The following CSMD1 variants were observed in gnomAD, a reference collection of about 807,000 sequenced individuals.
CSMD1 encodes the protein CUB and sushi domain-containing protein 1.
Under a neutral mutation model 417.5 loss-of-function variants are expected in CSMD1, and 213 were observed. The ratio of observed to expected loss-of-function variants is 0.51; its 90% CI spans 0.46 to 0.57. The LOEUF is 0.57. Ranked by LOEUF, CSMD1 falls within the 20% of genes least tolerant of loss-of-function variation. The probability of loss-of-function intolerance (pLI) is 0.00; values close to 1 mark genes in which losing one functional copy is unlikely to be tolerated. For missense variants in CSMD1, 6,923 were observed against 4,529.7 expected, an observed-to-expected ratio of 1.53 and a Z score of -15.17; for synonymous variants, 2,862 against 1,736.8, an observed-to-expected ratio of 1.65 and a Z score of -16.11.
chr8:4,264,690 G>A (rs551025828), intron 3 of CSMD1, among the ~76,000 whole-genome samples: 3 of 152,256 alleles, frequency 2.0e-5, no homozygotes, highest in East Asian at 3.9e-4. Flanking sequence ...AGAATAAGGG[G>A]AACAGGGCCT....
At chr8:4,545,634 G>A (rs935403874) in intron 2 of CSMD1, among the ~76,000 whole-genome samples, 1 of 152,204 alleles carries the variant, frequency 6.6e-6, no homozygotes, top group Non-Finnish European at 1.5e-5. Flanking sequence ...CTGGTTCGTG[G>A]CTAGGAGTAA....
At chr8:3,767,898 A>T (rs1158505354) in intron 5 of CSMD1, among the ~76,000 whole-genome samples, 1 of 152,160 alleles carries the variant, frequency 6.6e-6, no homozygotes, top group African/African-American at 2.4e-5. Context: ...AAAAAGTTAA[A>T]AAGTTTCCCA....
At chr8:4,211,271 A>C (rs1172454115) in intron 3 of CSMD1, among the ~76,000 whole-genome samples, 1 of 152,120 alleles carries the variant, frequency 6.6e-6, no homozygotes, top group Non-Finnish European at 1.5e-5. Context: ...AAGAAATCCA[A>C]AGATTGATCC....
intron 12 of CSMD1, among the ~76,000 whole-genome samples, chr8:3,416,325 AAG>A (rs1554545059): frequency 2.0e-5 from 3 of 147,098 alleles, no homozygotes; most frequent in Non-Finnish European, 4.5e-5. Context: ...AAAAAAAAAA[AAG>A]TGTTCTTTAG....
At chr8:3,036,916 T>C (rs967001499) in intron 50 of CSMD1, among the ~76,000 whole-genome samples, 1 of 152,162 alleles carries the variant, frequency 6.6e-6, no homozygotes, top group Non-Finnish European at 1.5e-5. Context: ...AGTGCACCTG[T>C]CATCCAAGCA....
At chr8:4,464,778 G>C (rs1483425233) in intron 2 of CSMD1, among the ~76,000 whole-genome samples, 3 of 152,250 alleles carry the variant, frequency 2.0e-5, no homozygotes, top group Non-Finnish European at 4.4e-5. Flanking sequence ...AGTGGGGTGG[G>C]GCTGGGCTGA....
intron 6 of CSMD1, among the ~76,000 whole-genome samples, chr8:3,717,418 A>T (rs1801902657): frequency 7.5e-6 from 1 of 133,212 alleles, no homozygotes; most frequent in Admixed American, 7.4e-5. Flanking sequence ...TTTCTTTTCC[A>T]TGAAATGCTT....
intron 3 of CSMD1, among the ~76,000 whole-genome samples, chr8:4,236,026 G>GTTTTTTTTTTTTTT: frequency 9.2e-6 from 1 of 108,130 alleles, no homozygotes; most frequent in African/African-American, 4.2e-5. Flanking sequence ...AATGGATATT[G>GTTTTTTTTTTTTTT]TTTTTTTTGT....
At chr8:4,731,125 A>C (rs1390517296) in intron 1 of CSMD1, among the ~76,000 whole-genome samples, 1 of 152,276 alleles carries the variant, frequency 6.6e-6, no homozygotes, top group Non-Finnish European at 1.5e-5. Flanking sequence ...CATATGAGAA[A>C]CCATGAGATG....
chr8:4,140,401 A>G (rs35686725), intron 3 of CSMD1, among the ~76,000 whole-genome samples: 45,178 of 150,548 alleles, frequency 0.3, 8,414 homozygotes, highest in Non-Finnish European at 0.39. Flanking sequence ...CGGAGCCTGA[A>G]GCAGGAGAAT....
At chr8:4,857,416 C>G (rs189653795) in intron 1 of CSMD1, among the ~76,000 whole-genome samples, 2 of 152,062 alleles carry the variant, frequency 1.3e-5, no homozygotes, top group African/African-American at 4.8e-5. Flanking sequence ...TAACTAAAAT[C>G]AGAACAGAAC....
intron 1 of CSMD1, among the ~76,000 whole-genome samples, chr8:4,878,480 A>G (rs1023464855): frequency 1.3e-5 from 2 of 151,928 alleles, no homozygotes; most frequent in African/African-American, 4.8e-5. Context: ...GTAAGACAGC[A>G]TAGAATCATG....
intron 5 of CSMD1, among the ~76,000 whole-genome samples, chr8:3,825,259 G>C (rs1206313188): frequency 1.3e-5 from 2 of 152,148 alleles, no homozygotes; most frequent in African/African-American, 4.8e-5. Flanking sequence ...GCCGGGTGTG[G>C]TGGCTCACGC....
At chr8:4,662,865 C>T (rs1585412232) in intron 1 of CSMD1, among the ~76,000 whole-genome samples, 2 of 152,032 alleles carry the variant, frequency 1.3e-5, no homozygotes, top group African/African-American at 4.8e-5. Flanking sequence ...TGTGGAAACG[C>T]GGGTGACAGT....
At chr8:3,031,536 C>G (rs984025740) in intron 50 of CSMD1, among the ~76,000 whole-genome samples, 2 of 152,048 alleles carry the variant, frequency 1.3e-5, no homozygotes, top group Non-Finnish European at 2.9e-5. Flanking sequence ...AAGAATGACT[C>G]AACTTTGTTC....
chr8:3,786,373 A>T (rs1799458233), intron 5 of CSMD1, among the ~76,000 whole-genome samples: 1 of 152,142 alleles, frequency 6.6e-6, no homozygotes, highest in South Asian at 2.1e-4. Flanking sequence ...TCATTTAGGG[A>T]GATACTAGAG....
intron 2 of CSMD1, among the ~76,000 whole-genome samples, chr8:4,452,719 A>C (rs963155428): frequency 1.3e-5 from 2 of 152,194 alleles, no homozygotes; most frequent in Admixed American, 6.5e-5. Context: ...ATTTAAATCA[A>C]CACGGACACA....
Position 4,205,098 on chromosome 8 carries a change from A to C in CSMD1, c.416-172999T>G, listed in dbSNP as rs148879627. Among the ~76,000 whole-genome samples the C allele has an allele frequency of 1.3e-3, 203 of 152,368 alleles. 3 individuals carry two copies. The highest frequency in any genetic ancestry group is 4.6e-3 in the African/African-American group (193 of 41,588). On this transcript the variant is annotated intron_variant, in intron 3 of 69. Coordinates refer to ENST00000635120, the MANE Select transcript of CSMD1 (RefSeq NM_033225.6). The stretch of plus-strand genomic sequence containing the variant: ...TACTGTAAACATCAAATGCTTTAAA[A>C]AGAAACATGATTTAACATAAACACA...
intron 41 of CSMD1, among the ~76,000 whole-genome samples, chr8:3,138,231 C>G (rs951871500): frequency 1.8e-4 from 27 of 152,040 alleles, no homozygotes; most frequent in African/African-American, 6.5e-4. Context: ...CTCTCGAAAA[C>G]AAAAAACCAT....
Sources: allele counts gnomAD v4.1 joint callset (sites outside exome capture counted in the v4.1 genomes callset), GRCh38; gene constraint gnomAD v4.1.1; transcripts MANE v1.5; gene names NCBI Gene and HGNC (gene_info 2026-07-23, HGNC 2026-07-21).